FGGY: variants seen among roughly 807,000 people sequenced by gnomAD.
FGGY encodes the protein FGGY carbohydrate kinase domain-containing protein.
Under a neutral mutation model 71.3 loss-of-function variants are expected in FGGY, and 72 were observed. The ratio of observed to expected loss-of-function variants is 1.01; its 90% CI spans 0.84 to 1.23. The LOEUF (loss-of-function observed/expected upper bound fraction) is 1.23, where lower values mean the gene tolerates loss of function less well. Ranked by LOEUF, FGGY falls within the 50% of genes most tolerant of loss-of-function variation. The pLI, the probability that FGGY is intolerant of heterozygous loss-of-function variation, is 0.00. For synonymous variants in FGGY, 251 were observed against 250.3 expected (o/e 1.00, Z -0.02); for missense variants, 668 against 682.3 (o/e 0.98, Z 0.23).
intron 7 of FGGY, among the ~76,000 whole-genome samples, chr1:59,521,848 G>A (rs984342513): frequency 1.4e-4 from 22 of 152,270 alleles, no homozygotes; most frequent in African/African-American, 5.3e-4. Context: ...CCCATTTAAT[G>A]GCCACAGGCA....
Position 59,565,165 on chromosome 1 carries a change from AT to A in FGGY, c.903+10945del, listed in dbSNP as rs199973970. On this transcript the variant is annotated intron_variant, in intron 8 of 15. Coordinates refer to ENST00000303721, the MANE Select transcript of FGGY (RefSeq NM_018291.5). Reference sequence around the variant, plus strand: ...TATATGTTTATCATGGTCTATTTGGATTTTTTTAACCCTCATAATAACCTTA... The same window carrying A: ...TATATGTTTATCATGGTCTATTTGGATTTTTTAACCCTCATAATAACCTTA... 6.0e-3 allele frequency among the ~76,000 whole-genome samples: 917 copies of A among 152,244 alleles called. 10 individuals are homozygous for A. Among genetic ancestry groups the A allele is most frequent in the African/African-American group, 0.021 (876 of 41,518 alleles).
intron 5 of FGGY, among the ~76,000 whole-genome samples, chr1:59,416,752 G>GT (rs1026736172): frequency 2.0e-5 from 3 of 152,108 alleles, no homozygotes; most frequent in Admixed American, 1.3e-4. Flanking sequence ...TTTTTGTTTT[G>GT]TTTTTTAAAT....
At chr1:59,749,890 G>T (rs763545200) in intron 14 of FGGY, among the ~76,000 whole-genome samples, 6 of 152,144 alleles carry the variant, frequency 3.9e-5, no homozygotes, top group Non-Finnish European at 8.8e-5. Flanking sequence ...TTCAAATTCT[G>T]GCAGTCTGTT....
chr1:59,541,667 G>A (rs991076461), intron 7 of FGGY, among the ~76,000 whole-genome samples: 4 of 152,078 alleles, frequency 2.6e-5, no homozygotes, highest in Non-Finnish European at 5.9e-5. Context: ...AATTTAATAG[G>A]AGAAAAATCA....
At chr1:59,647,298 A>C (rs2097104252) in intron 11 of FGGY, among the ~76,000 whole-genome samples, 1 of 152,320 alleles carries the variant, frequency 6.6e-6, no homozygotes, top group African/African-American at 2.4e-5. Flanking sequence ...AATGGCTTAG[A>C]CTTAAACCCT....
intron 5 of FGGY, among the ~76,000 whole-genome samples, chr1:59,421,765 C>T (rs1001762324): frequency 6.6e-6 from 1 of 152,174 alleles, no homozygotes; most frequent in Non-Finnish European, 1.5e-5. Flanking sequence ...TTAGGGCATG[C>T]CTTGACCTCT....
intron 4 of FGGY, among the ~76,000 whole-genome samples, chr1:59,375,246 G>A (rs1181600860): frequency 1.5e-5 from 2 of 131,500 alleles, no homozygotes; most frequent in Non-Finnish European, 3.1e-5. Context: ...GCGATAGAGT[G>A]AGACTCCATC....
At chr1:59,419,464 G>T (rs751726743) in intron 5 of FGGY, among the ~76,000 whole-genome samples, 20 of 152,154 alleles carry the variant, frequency 1.3e-4, no homozygotes, top group Non-Finnish European at 2.4e-4. Context: ...GAGTTATGAA[G>T]AGTGGGGCTT....
chr1:59,296,754 G>A (rs1360361849), upstream of FGGY: 1 of 152,588 alleles, frequency 6.6e-6, no homozygotes, highest in African/African-American at 2.4e-5. Context: ...TACAGGGGCC[G>A]CGCTTTACAG....
At chr1:59,573,507 AAC>A (rs2096024172) in intron 8 of FGGY, among the ~76,000 whole-genome samples, 1 of 152,088 alleles carries the variant, frequency 6.6e-6, no homozygotes, top group South Asian at 2.1e-4. Context: ...TATGTTTATG[AAC>A]AATATGTGAA....
intron 5 of FGGY, among the ~76,000 whole-genome samples, chr1:59,451,665 A>G (rs1279730373): frequency 6.6e-6 from 1 of 152,064 alleles, no homozygotes; most frequent in Non-Finnish European, 1.5e-5. Flanking sequence ...TTATTTGGTT[A>G]TACTCTTTCT....
At chr1:59,339,754 T>A (rs1433785161) in intron 2 of FGGY, among the ~76,000 whole-genome samples, 3 of 152,156 alleles carry the variant, frequency 2.0e-5, no homozygotes, top group Non-Finnish European at 4.4e-5. Context: ...TGAGCTGCCA[T>A]GCCTGGCCTT....
upstream of FGGY, among the ~76,000 whole-genome samples, chr1:59,296,451 G>A (rs2041978100): frequency 6.6e-6 from 1 of 152,254 alleles, no homozygotes; most frequent in African/African-American, 2.4e-5. Context: ...GCCTGGGTAA[G>A]CTCCGCAAGG....
intron 5 of FGGY, among the ~76,000 whole-genome samples, chr1:59,427,821 G>A (rs2066655442): frequency 6.6e-6 from 1 of 152,156 alleles, no homozygotes; most frequent in Non-Finnish European, 1.5e-5. Context: ...GAGGAGTTAG[G>A]TGGTCTATGT....
chr1:59,579,216 C>A (rs2096140891), intron 8 of FGGY, among the ~76,000 whole-genome samples: 1 of 152,074 alleles, frequency 6.6e-6, no homozygotes, highest in Admixed American at 6.5e-5. Flanking sequence ...ACTCTTTGGT[C>A]CCATTGTCTA....
At chr1:59,637,665 C>G (rs187465650) in intron 10 of FGGY, among the ~76,000 whole-genome samples, 1 of 152,260 alleles carries the variant, frequency 6.6e-6, no homozygotes, top group East Asian at 1.9e-4. Context: ...AAAATCAGGT[C>G]TCTAACTCCT....
At chr1:59,418,964 G>A (rs1200078202) in intron 5 of FGGY, among the ~76,000 whole-genome samples, 1 of 152,156 alleles carries the variant, frequency 6.6e-6, no homozygotes, top group African/African-American at 2.4e-5. Flanking sequence ...AGAAAAGTAT[G>A]GAAGCCAGAA....
chr1:59,325,315 C>G (rs2047212705), intron 2 of FGGY, among the ~76,000 whole-genome samples: 1 of 152,104 alleles, frequency 6.6e-6, no homozygotes, highest in South Asian at 2.1e-4. Flanking sequence ...CGAGATTGCG[C>G]CATTGCACTC....
chr1:59,743,614 T>TC (rs994302554), intron 14 of FGGY, among the ~76,000 whole-genome samples: 1 of 152,034 alleles, frequency 6.6e-6, no homozygotes, highest in Non-Finnish European at 1.5e-5. Context: ...TTTTTTTTTT[T>TC]TTCCAGCACA....
Sources: gnomAD v4.1 joint callset for allele counts (sites outside exome capture counted in the v4.1 genomes callset) on GRCh38, gnomAD v4.1.1 for gene constraint, MANE v1.5 for transcripts, NCBI Gene and HGNC (gene_info 2026-07-23, HGNC 2026-07-21) for gene names.